The following NXN variants were observed in gnomAD, a reference collection of about 807,000 sequenced individuals.
NXN encodes the protein nucleoredoxin 1.
NXN carries 16 observed loss-of-function variants against 48.6 expected under a neutral mutation model. That is an observed-to-expected ratio of 0.33 (90% CI 0.22 to 0.50). The LOEUF is 0.50. NXN is among the 20% of genes least tolerant of loss of function. The probability of loss-of-function intolerance (pLI) is 0.98; values close to 1 mark genes in which losing one functional copy is unlikely to be tolerated. For synonymous variants in NXN, 281 were observed against 269.6 expected (o/e 1.04, Z -0.41); for missense variants, 492 against 605.5 (o/e 0.81, Z 1.97).
chr17:892,992 G>A (rs1014877488), intron 1 of NXN, among the ~76,000 whole-genome samples: 1 of 152,250 alleles, frequency 6.6e-6, no homozygotes, highest in Non-Finnish European at 1.5e-5. Context: ...GGGTACCTGT[G>A]AACTCTGTAC....
At chr17:943,999 A>G (rs1459716754) in intron 1 of NXN, among the ~76,000 whole-genome samples, 5 of 152,088 alleles carry the variant, frequency 3.3e-5, no homozygotes, top group Non-Finnish European at 5.9e-5. Flanking sequence ...GCACTTTGGG[A>G]GGCCAAGGTG....
At position 893,901 on chromosome 17, in the gene NXN, T is replaced by TCTCAACTCCCTGGAAGCCAGAGGAAGCAA. The variant is rs1567852245; in HGVS notation, c.361-67852_361-67824dup. On this transcript the variant is annotated intron_variant, in intron 1 of 7. Coordinates refer to ENST00000336868, the MANE Select transcript of NXN (RefSeq NM_022463.5). ...CAACCCCCGGAAGCCAGAGGAAGCA[T>TCTCAACTCCCTGGAAGCCAGAGGAAGCAA]CTCAACTCCCTGGAAGCCAGAGGAA... is the stretch of plus-strand genomic sequence containing the variant. 2.4e-4 allele frequency among the ~76,000 whole-genome samples: 5 copies of TCTCAACTCCCTGGAAGCCAGAGGAAGCAA among 21,248 alleles called. 1 individual carries two copies. The highest frequency in any genetic ancestry group is 4.6e-4 in the African/African-American group (2 of 4,382). 13.9% of individuals were successfully genotyped at this position (21,248 alleles called of 152,430 possible).
At position 979,614 on chromosome 17, in the gene NXN, T is replaced by C; in HGVS notation, c.65A>G (p.Asp22Gly). ...KLVTGGGEEV[D>G]VHSLGARGIS... is the part of the protein sequence containing the mutation. ...GCCGCGGGCGCCCAGCGAGTGCACG[T>C]CCACCTCCTCGCCGCCGCCCGTCAC... The change falls in exon 1 of 8, where the codon GAC (aspartate) becomes GGC (glycine). Residue 22 changes from aspartate (D) to glycine (G), a missense_variant. Asp to Gly is a moderately conservative substitution (Grantham distance 94, BLOSUM62 -1). Around this residue, in one of 3 missense-constraint regions of NXN, gnomAD observed 186 missense variants for 199.1 expected, o/e 0.93. Transcript: ENST00000336868. 6.8e-7 allele frequency: 1 copy of C among 1,464,398 alleles called. No homozygotes were observed. The highest frequency in any genetic ancestry group is 2.9e-5 in the East Asian group (1 of 34,900). The allele number at this position is 1,464,398 out of a possible 1,614,324, so 90.7% of individuals were successfully genotyped here.
intron 1 of NXN, among the ~76,000 whole-genome samples, chr17:861,603 G>A (rs1247885760): frequency 6.6e-6 from 1 of 152,138 alleles, no homozygotes; most frequent in Admixed American, 6.6e-5. Context: ...GCCAAGCTGA[G>A]CCTGAACGTC....
In NXN at chr17:932,554, T is replaced by C. The variant is rs868434506; in HGVS notation, c.360+46765A>G. The stretch of plus-strand genomic sequence containing the variant: ...GCTTCAGGGGAAGGCCTGAGCCCCT[T>C]CTAAGAAAACACAGGCTGGATTTTA... On this transcript the variant is annotated intron_variant, in intron 1 of 7. Coordinates refer to ENST00000336868, the MANE Select transcript of NXN (RefSeq NM_022463.5). The surrounding 1 kb of genome is among the most constrained non-coding windows in gnomAD (Gnocchi z 4.1). Among the ~76,000 whole-genome samples the C allele has an allele frequency of 3.9e-5, 6 of 152,296 alleles. No individual in the cohort carries two copies. The highest frequency in any genetic ancestry group is 2.1e-4 in the South Asian group (1 of 4,822).
At chr17:886,235 C>A (rs2068346032) in intron 1 of NXN, among the ~76,000 whole-genome samples, 1 of 152,054 alleles carries the variant, frequency 6.6e-6, no homozygotes, top group Admixed American at 6.6e-5. Flanking sequence ...TACGCAAGGC[C>A]ATGTTCTTAG....
At chr17:824,794 T>G (rs577321234) in intron 2 of NXN, among the ~76,000 whole-genome samples, 4 of 152,326 alleles carry the variant, frequency 2.6e-5, no homozygotes, top group African/African-American at 9.6e-5. Context: ...GAACCACGTT[T>G]TCTCACAGGG....
In NXN at chr17:979,476, G is replaced by A. The variant is rs1014274238; in HGVS notation, c.203C>T (p.Pro68Leu). 14 of 1,193,048 alleles carry A rather than the reference G, an allele frequency of 1.2e-5. No homozygotes were observed. Among genetic ancestry groups the A allele is most frequent in the African/African-American group, 3.2e-5 (2 of 61,894 alleles). The allele number at this position is 1,193,048 out of a possible 1,614,324, so 73.9% of individuals were successfully genotyped here. Residue 68 changes from proline to leucine, a missense_variant, in exon 1 of 8, where the codon CCG becomes CTG. This residue lies in a region of NXN where 186 missense variants were observed against 199.1 expected (regional missense o/e 0.93). Transcript: ENST00000336868. ...CGCCCCGGCCCCCGCTCCCGGCCCCGGCCCGGCCGCCGCGTCCCCCCGCAG... is the reference window on the plus strand; with the variant it reads ...CGCCCCGGCCCCCGCTCCCGGCCCCAGCCCGGCCGCCGCGTCCCCCCGCAG... ...GRLRGDAAAG[P>L]GPGAGAGAAA...
At position 863,978 on chromosome 17, in the gene NXN, T is replaced by C. The variant is rs1256556687; in HGVS notation, c.361-37900A>G. 3 of 1,535,120 alleles carry C rather than the reference T, an allele frequency of 2.0e-6. No individual in the cohort carries two copies. The South Asian group carries it at 3.6e-5, about 18-fold the overall frequency. On this transcript the variant is annotated intron_variant, in intron 1 of 7. Coordinates refer to ENST00000336868, the MANE Select transcript of NXN (RefSeq NM_022463.5). ...CTGGGAACTGAGTGAGGAAACACGT[T>C]AACCATTGCTCAGTTTCGGTGAAAG...
At chr17:938,500 C>T (rs1231952943) in intron 1 of NXN, among the ~76,000 whole-genome samples, 5 of 149,508 alleles carry the variant, frequency 3.3e-5, no homozygotes, top group African/African-American at 1.0e-4. Context: ...GCCAACATGG[C>T]GAAACCCCCG....
At chr17:930,865 G>A (rs530619190) in intron 1 of NXN, among the ~76,000 whole-genome samples, 3 of 150,884 alleles carry the variant, frequency 2.0e-5, no homozygotes, top group Admixed American at 6.6e-5. Context: ...TCTGCCTCCC[G>A]GGTTCAAGTG....
Position 875,326 on chromosome 17 carries a change from C to T in NXN, c.361-49248G>A, listed in dbSNP as rs2068202541. On this transcript the variant is annotated intron_variant, in intron 1 of 7. Transcript: ENST00000336868. ...GGATTACAGGCGTCAGCCACCATGCCGGGTGCTATACTACCTCTTTTAATC... is the reference window on the plus strand; with the variant it reads ...GGATTACAGGCGTCAGCCACCATGCTGGGTGCTATACTACCTCTTTTAATC... Among the ~76,000 whole-genome samples the T allele has an allele frequency of 2.0e-5, 3 of 152,202 alleles. No homozygotes were observed. In the South Asian group the frequency reaches 6.2e-4, roughly 32 times the overall value.
intron 1 of NXN, among the ~76,000 whole-genome samples, chr17:858,730 A>G (rs1238872932): frequency 6.7e-6 from 1 of 149,262 alleles, no homozygotes; most frequent in Non-Finnish European, 1.5e-5. Context: ...CTCCGTCTCA[A>G]AAAAAAAAAA....
chr17:801,105 A>C lies in NXN; in HGVS notation c.1152T>G (p.Asp384Glu). The C allele has an allele frequency of 6.4e-7, 1 of 1,559,372 alleles. No homozygotes were observed. Among genetic ancestry groups the C allele is most frequent in the Non-Finnish European group, 8.7e-7 (1 of 1,153,066 alleles). The change falls in exon 8 of 8, where the codon GAT becomes GAG. Residue 384 changes from aspartate (D) to glutamate (E), a missense_variant. Asp to Glu is a conservative substitution (Grantham distance 45). Coordinates refer to ENST00000336868, the MANE Select transcript of NXN (RefSeq NM_022463.5). ...GEDDMTDSLR[D>E]YTNLPEAAPL... The stretch of plus-strand genomic sequence containing the variant: ...GGGCAGCCTCAGGCAGGTTGGTGTA[A>C]TCTCGCAGGGAGTCAGTCATGTCAT...
chr17:857,136 G>A (rs1259577067), intron 1 of NXN, among the ~76,000 whole-genome samples: 1 of 152,210 alleles, frequency 6.6e-6, no homozygotes, highest in Non-Finnish European at 1.5e-5. Context: ...AGTTGTGGTG[G>A]GTGGAAGTCG....
intron 1 of NXN, among the ~76,000 whole-genome samples, chr17:951,874 G>A (rs937077605): frequency 2.6e-5 from 4 of 152,236 alleles, no homozygotes; most frequent in East Asian, 3.9e-4. Context: ...CTCAGTAGAC[G>A]GAGGGCACCC....
chr17:843,582 G>C (rs945129498), intron 1 of NXN, among the ~76,000 whole-genome samples: 3 of 152,212 alleles, frequency 2.0e-5, no homozygotes, highest in African/African-American at 7.2e-5. Flanking sequence ...GAGATCTTAA[G>C]AAGCGGCTGG....
chr17:875,707 C>T (rs1393749702), intron 1 of NXN, among the ~76,000 whole-genome samples: 1 of 151,756 alleles, frequency 6.6e-6, no homozygotes, highest in Non-Finnish European at 1.5e-5. Context: ...ATCCTACCAC[C>T]TCAGCCTCCC....
intron 1 of NXN, among the ~76,000 whole-genome samples, chr17:848,420 C>T (rs975136102): frequency 5.3e-5 from 8 of 152,200 alleles, no homozygotes; most frequent in Non-Finnish European, 1.2e-4. Flanking sequence ...GGATTACAGG[C>T]GTGAGCCACT....
Sources: allele counts gnomAD v4.1 joint callset (sites outside exome capture counted in the v4.1 genomes callset), GRCh38; gene constraint gnomAD v4.1.1; regional missense constraint gnomAD v4.1.1; non-coding constraint Gnocchi (gnomAD v3.1); transcripts MANE v1.5; gene names NCBI Gene and HGNC (gene_info 2026-07-23, HGNC 2026-07-21).